The following KBTBD8 variants were observed in gnomAD, a reference collection of about 807,000 sequenced individuals.
KBTBD8 encodes kelch repeat and BTB domain containing 8, also known as kelch repeat and BTB domain-containing protein 8.
In KBTBD8, 31 loss-of-function variants were observed where a neutral mutation model predicts 53.5. That is an observed-to-expected ratio of 0.58 (90% confidence interval 0.44 to 0.78). The LOEUF (loss-of-function observed/expected upper bound fraction) is 0.78. KBTBD8 is among the 30% of genes least tolerant of loss of function. The pLI is 0.00. For missense variants in KBTBD8, 642 were observed against 735.8 expected (o/e 0.87, Z 1.48); for synonymous variants, 250 against 247.3 (o/e 1.01, Z -0.10).
chr3:67,003,947 T>C lies in KBTBD8; in HGVS notation c.980T>C (p.Val327Ala), dbSNP rs1296344062. 4.3e-6 allele frequency: 7 copies of C among 1,613,862 alleles called. No homozygotes were observed. The highest frequency in any genetic ancestry group is 2.2e-5 in the East Asian group (1 of 44,890). ...AAACCACCAAATGACCTGAGAGAAG[T>C]TGGGATTCTTGTATCACCAGATAAT... ...LCKPPNDLRE[V>A]GILVSPDNDI... Residue 327 changes from valine to alanine, a missense_variant, in exon 3 of 4, where the codon GTT (valine) becomes GCT (alanine). Val to Ala is a moderately conservative substitution (Grantham distance 64). Transcript: ENST00000417314.
In KBTBD8 at chr3:67,008,612, G is replaced by A; in HGVS notation, c.*227G>A. 2.1e-6 allele frequency: 1 copy of A among 477,652 alleles called. No individual in the cohort carries two copies. The highest frequency in any genetic ancestry group is 4.3e-5 in the South Asian group (1 of 23,010). The allele number at this position is 477,652 out of a possible 1,614,324, so 29.6% of individuals were successfully genotyped here. On this transcript the variant is annotated 3_prime_UTR_variant, in exon 4 of 4. Transcript: ENST00000417314. ...CAATTATCAGCATTTTTTTTTCCTGGCATAAAATTAATCATTTCATTTTAT... is the reference window on the plus strand; with the variant it reads ...CAATTATCAGCATTTTTTTTTCCTGACATAAAATTAATCATTTCATTTTAT...
intron 2 of KBTBD8, among the ~76,000 whole-genome samples, chr3:67,000,625 GCTT>G (rs1417156812): frequency 2.0e-5 from 3 of 152,100 alleles, no homozygotes; most frequent in Non-Finnish European, 4.4e-5. Flanking sequence ...ACAGAGCCAG[GCTT>G]CTTAGTAGCC....
At chr3:67,000,579 T>A (rs1201509878) in intron 2 of KBTBD8, among the ~76,000 whole-genome samples, 2 of 152,296 alleles carry the variant, frequency 1.3e-5, no homozygotes, top group East Asian at 3.9e-4. Context: ...CTAAATCATC[T>A]ATCCAACAAG....
chr3:67,005,008 T>C (rs570175754), intron 3 of KBTBD8, among the ~76,000 whole-genome samples: 42 of 152,338 alleles, frequency 2.8e-4, no homozygotes, highest in African/African-American at 1.0e-3. Flanking sequence ...TTTTGTTTTG[T>C]TTTCTGTTTG....
intron 2 of KBTBD8, among the ~76,000 whole-genome samples, chr3:67,001,320 A>G (rs1262484385): frequency 2.0e-5 from 3 of 152,188 alleles, no homozygotes; most frequent in Non-Finnish European, 2.9e-5. Context: ...GAACGGCTGG[A>G]AATCTGGAAT....
intron 2 of KBTBD8, among the ~76,000 whole-genome samples, chr3:67,001,240 T>C (rs1461864284): frequency 6.6e-6 from 1 of 152,200 alleles, no homozygotes; most frequent in Non-Finnish European, 1.5e-5. Flanking sequence ...GTACCAGCGC[T>C]GCTTCCTGTG....
chr3:67,007,320 T>G (rs1375985483), intron 3 of KBTBD8, among the ~76,000 whole-genome samples: 1 of 58,010 alleles, frequency 1.7e-5, no homozygotes, highest in Non-Finnish European at 3.7e-5. Context: ...CAAGTTTGTG[T>G]TTTTTTTTTT....
intron 2 of KBTBD8, among the ~76,000 whole-genome samples, chr3:67,000,648 T>G (rs955416229): frequency 2.0e-5 from 3 of 152,186 alleles, no homozygotes; most frequent in African/African-American, 7.2e-5. Context: ...CATATGACTC[T>G]TAAGGAACAA....
chr3:67,004,956 T>C (rs1324070065), intron 3 of KBTBD8, among the ~76,000 whole-genome samples: 1 of 152,184 alleles, frequency 6.6e-6, no homozygotes, highest in Non-Finnish European at 1.5e-5. Flanking sequence ...TTTTTTTTGG[T>C]TTGCCATTTT....
intron 2 of KBTBD8, among the ~76,000 whole-genome samples, chr3:67,002,721 G>C (rs1396389626): frequency 6.6e-6 from 1 of 151,830 alleles, no homozygotes. Flanking sequence ...GGCAGATTTT[G>C]AACTCCTGAC....
intron 3 of KBTBD8, among the ~76,000 whole-genome samples, chr3:67,007,207 T>C (rs939444095): frequency 6.6e-6 from 1 of 152,236 alleles, no homozygotes; most frequent in Non-Finnish European, 1.5e-5. Flanking sequence ...GTTACATGTA[T>C]GCATTTTGGT....
intron 1 of KBTBD8, 119 bp downstream of exon 1, chr3:66,998,490 G>A (rs1701982774): frequency 2.5e-6 from 2 of 802,524 alleles, no homozygotes; most frequent in Non-Finnish European, 3.5e-6. Flanking sequence ...AGGATGAAGC[G>A]GTGGAGGGGA....
chr3:67,009,552 C>T lies in KBTBD8; in HGVS notation c.*1167C>T, dbSNP rs1702099706. 6.6e-6 allele frequency: 1 copy of T among 152,036 alleles called. No individual in the cohort carries two copies. Among genetic ancestry groups the T allele is most frequent in the Admixed American group, 6.6e-5 (1 of 15,218 alleles). 9.4% of individuals were successfully genotyped at this position (152,036 alleles called of 1,614,324 possible). Reference sequence around the variant, plus strand: ...CTCATTTTTTTTTTCCATTTTTGCACTTAACAGTGATGAATACTTTTACGT... The same window carrying T: ...CTCATTTTTTTTTTCCATTTTTGCATTTAACAGTGATGAATACTTTTACGT... On this transcript the variant is annotated 3_prime_UTR_variant, in exon 4 of 4. Coordinates refer to ENST00000417314, the MANE Select transcript of KBTBD8 (RefSeq NM_032505.3).
chr3:67,003,351 C>G lies in KBTBD8; in HGVS notation c.384C>G (p.Ser128Arg). ...ANVQALFTAASIFQIPSIQDQ... is the reference protein window; with the variant it reads ...ANVQALFTAARIFQIPSIQDQ... ...TTCAAGCCTTGTTCACTGCAGCTAG[C>G]ATCTTCCAGATTCCTTCCATCCAAG... The change falls in exon 3 of 4, where the codon AGC becomes AGG. Residue 128 changes from serine (S) to arginine (R), a missense_variant. By Grantham distance (110) the Ser-to-Arg change is moderately radical. Coordinates refer to ENST00000417314, the MANE Select transcript of KBTBD8 (RefSeq NM_032505.3). The G allele has an allele frequency of 1.2e-6, 2 of 1,614,164 alleles. No individual in the cohort carries two copies. The highest frequency in any genetic ancestry group is 2.2e-5 in the South Asian group (2 of 91,080).
intron 3 of KBTBD8, among the ~76,000 whole-genome samples, chr3:67,006,326 G>A (rs889731336): frequency 1.3e-5 from 2 of 152,094 alleles, no homozygotes; most frequent in African/African-American, 4.8e-5. Context: ...GAATTTCAGG[G>A]CTGGAATTAT....
rs763848884 is a variant in KBTBD8, at chr3:67,003,794, G to A, written c.827G>A (p.Cys276Tyr). ...AAGGGACCATCCAACACCAATGGCT[G>A]TACACAGAGGCTTGGAATGACTGCT... ...VEKGPSNTNG[C>Y]TQRLGMTASE... Residue 276 changes from cysteine (C) to tyrosine (Y), a missense_variant, in exon 3 of 4, where the codon TGT becomes TAT. Coordinates refer to ENST00000417314, the MANE Select transcript of KBTBD8 (RefSeq NM_032505.3). 2.5e-6 allele frequency: 4 copies of A among 1,614,040 alleles called. No individual in the cohort carries two copies. In the Admixed American group the frequency reaches 6.7e-5, roughly 27 times the overall value.
chr3:67,001,283 C>T (rs954212751), intron 2 of KBTBD8, among the ~76,000 whole-genome samples: 2 of 152,096 alleles, frequency 1.3e-5, no homozygotes, highest in African/African-American at 2.4e-5. Context: ...AATGTTTCTA[C>T]GTCTTGCATC....
intron 3 of KBTBD8, 28 bp downstream of exon 3, chr3:67,004,337 A>T (rs751089263): frequency 4.4e-6 from 7 of 1,593,794 alleles, no homozygotes; most frequent in African/African-American, 1.3e-5. Context: ...TTAGTTTTTC[A>T]TGGAAGGGTA....
chr3:67,004,024 G>C lies in KBTBD8; in HGVS notation c.1057G>C (p.Asp353His). Residue 353 changes from aspartate (D) to histidine (H), a missense_variant, in exon 3 of 4, where the codon GAC (aspartate) becomes CAC (histidine). Coordinates refer to ENST00000417314, the MANE Select transcript of KBTBD8 (RefSeq NM_032505.3). ...YRPSSSEVSI[D>H]HKAENDFWMY... ...GCCAAGCAGCAGTGAGGTCTCCATC[G>C]ACCATAAGGCAGAAAATGATTTCTG... 6.2e-7 allele frequency: 1 copy of C among 1,614,098 alleles called. No individual in the cohort carries two copies. The highest frequency in any genetic ancestry group is 8.5e-7 in the Non-Finnish European group (1 of 1,180,032).
Sources: allele counts gnomAD v4.1 joint callset (sites outside exome capture counted in the v4.1 genomes callset), GRCh38; gene constraint gnomAD v4.1.1; transcripts MANE v1.5; gene names NCBI Gene and HGNC (gene_info 2026-07-23, HGNC 2026-07-21).